Variants in DPCD observed in about 807,000 individuals in gnomAD.
DPCD encodes protein DPCD.
A neutral mutation model predicts 26.4 loss-of-function variants in DPCD; 20 were observed. That is an observed-to-expected ratio of 0.76 (90% CI 0.53 to 1.10). The LOEUF is 1.10. DPCD is among the 50% of genes least tolerant of loss of function. The pLI is 0.00. For synonymous variants in DPCD, 97 were observed against 94.2 expected, an observed-to-expected ratio of 1.03 and a Z score of -0.17; for missense variants, 202 against 253.9, an observed-to-expected ratio of 0.80 and a Z score of 1.39.
intron 2 of DPCD, among the ~76,000 whole-genome samples, chr10:101,598,234 A>G (rs904714089): frequency 1.3e-5 from 2 of 151,340 alleles, no homozygotes; most frequent in South Asian, 4.2e-4. Context: ...CCCATGACTT[A>G]CAGGGGCACC....
intron 5 of DPCD, 198 bp from the exon 6 acceptor site, chr10:101,609,169 G>C (rs1445552906): frequency 4.6e-6 from 3 of 647,380 alleles, no homozygotes; most frequent in Non-Finnish European, 8.0e-6. Context: ...GGAAGCGGTG[G>C]AAATTGCTGA....
At chr10:101,604,393 C>A (rs946207107) in intron 4 of DPCD, among the ~76,000 whole-genome samples, 1 of 152,182 alleles carries the variant, frequency 6.6e-6, no homozygotes, top group African/African-American at 2.4e-5. Flanking sequence ...GTTCCATAAC[C>A]TGCCCCAGTT....
In DPCD at chr10:101,594,685, C is replaced by G. The variant is rs924440060; in HGVS notation, c.92C>G (p.Pro31Arg). The G allele has an allele frequency of 6.2e-7, 1 of 1,614,040 alleles. No individual in the cohort carries two copies. Among genetic ancestry groups the G allele is most frequent in the African/African-American group, 1.3e-5 (1 of 74,904 alleles). ...DGRRKVHYLF[P>R]DGKEMAEEYD... ...AGAAGGAAGGTTCACTATTTATTCC[C>G]AGACGGCAAGGAAATGGCTGAAGAA... Residue 31 changes from proline (P) to arginine (R), a missense_variant, in exon 2 of 6, where the codon CCA becomes CGA. By Grantham distance (103) the Pro-to-Arg change is moderately radical. This residue lies in a region of DPCD where 37 missense variants were observed against 76.0 expected (regional missense o/e 0.49). Transcript: ENST00000370151.
chr10:101,592,253 A>G, intron 1 of DPCD, among the ~76,000 whole-genome samples: 1 of 152,184 alleles, frequency 6.6e-6, no homozygotes, highest in Non-Finnish European at 1.5e-5. Context: ...TGTGTTGGGT[A>G]CCTGTAATCC....
At chr10:101,596,907 T>C (rs2063655752) in intron 2 of DPCD, among the ~76,000 whole-genome samples, 2 of 152,182 alleles carry the variant, frequency 1.3e-5, no homozygotes. Context: ...TTCAAAGTAA[T>C]TTACAGAGGA....
At chr10:101,592,544 A>G (rs1398113120) in intron 1 of DPCD, among the ~76,000 whole-genome samples, 3 of 151,842 alleles carry the variant, frequency 2.0e-5, no homozygotes, top group African/African-American at 4.8e-5. Flanking sequence ...ACATAGTAAG[A>G]CCCCATCTCT....
At chr10:101,606,602 T>C (rs1410661077) in intron 4 of DPCD, among the ~76,000 whole-genome samples, 1 of 152,072 alleles carries the variant, frequency 6.6e-6, no homozygotes, top group Non-Finnish European at 1.5e-5. Context: ...CAGGCATGAG[T>C]CACCAGGCCC....
chr10:101,598,250 T>TA (rs139269301), intron 2 of DPCD, among the ~76,000 whole-genome samples: 12,096 of 152,220 alleles, frequency 0.079, 545 homozygotes, highest in African/African-American at 0.12. Flanking sequence ...GCACCTCACT[T>TA]ATCCAGCCCT....
chr10:101,601,782 T>A (rs2063700590), intron 4 of DPCD, among the ~76,000 whole-genome samples: 1 of 152,086 alleles, frequency 6.6e-6, no homozygotes, highest in African/African-American at 2.4e-5. Flanking sequence ...GTGACAGTCC[T>A]TTAAAGCAGT....
rs758019549 is a variant in DPCD, at chr10:101,609,351, C to G, written c.508-16C>G. ...CAGTGACTGAATTATTTTCTTATTC[C>G]TGGCTGCATCCACAGTACCAGAAGC... is the stretch of plus-strand genomic sequence containing the variant. On this transcript the variant is annotated splice_polypyrimidine_tract_variant and intron_variant, in intron 5 of 5. Transcript: ENST00000370151. 1 of 1,612,918 alleles carries G rather than the reference C, an allele frequency of 6.2e-7. No homozygotes were observed. Among genetic ancestry groups the G allele is most frequent in the South Asian group, 1.1e-5 (1 of 90,958 alleles).
chr10:101,590,993 G>T (rs539941226), intron 1 of DPCD, among the ~76,000 whole-genome samples: 97 of 152,248 alleles, frequency 6.4e-4, no homozygotes, highest in African/African-American at 2.3e-3. Context: ...TCTCTAGTTG[G>T]CCCCTTTACT....
chr10:101,594,781 G>A, intron 2 of DPCD, 43 bp downstream of exon 2: 1 of 1,582,642 alleles, frequency 6.3e-7, no homozygotes, highest in South Asian at 1.1e-5. Flanking sequence ...TAATACTTGG[G>A]GCTGACATAA....
At chr10:101,607,619 C>G (rs532361535) in intron 4 of DPCD, among the ~76,000 whole-genome samples, 6 of 152,190 alleles carry the variant, frequency 3.9e-5, no homozygotes, top group African/African-American at 1.4e-4. Context: ...CTCTCTGAGT[C>G]CCCAGGGCAT....
chr10:101,591,568 T>TG (rs1304241523), intron 1 of DPCD, among the ~76,000 whole-genome samples: 1 of 152,202 alleles, frequency 6.6e-6, no homozygotes, highest in Admixed American at 6.5e-5. Context: ...ATTGATATCT[T>TG]GGGCTGGATA....
rs140506483 is a variant in DPCD at position 101,595,878 on chromosome 10, G to A, written c.145+1140G>A. Among the ~76,000 whole-genome samples the A allele has an allele frequency of 1.1e-3, 175 of 152,272 alleles. 1 individual carries two copies. Among genetic ancestry groups the A allele is most frequent in the Middle Eastern group, 3.4e-3 (1 of 294 alleles). On this transcript the variant is annotated intron_variant, in intron 2 of 5. Coordinates refer to ENST00000370151, the MANE Select transcript of DPCD (RefSeq NM_015448.3). ...TTTATAGTGCTCCCAGGGGATGACA[G>A]CCTTGGAATGCCTAACAGGGGAGAA...
intron 2 of DPCD, among the ~76,000 whole-genome samples, chr10:101,599,936 TG>T (rs1320144203): frequency 1.3e-5 from 2 of 152,224 alleles, no homozygotes; most frequent in African/African-American, 2.4e-5. Flanking sequence ...GCATGGTTCC[TG>T]AAAATGAAAA....
At chr10:101,599,729 A>G (rs2063678501) in intron 2 of DPCD, among the ~76,000 whole-genome samples, 1 of 152,356 alleles carries the variant, frequency 6.6e-6, no homozygotes, top group Non-Finnish European at 1.5e-5. Context: ...AACAACTGTA[A>G]CTGAGTACTG....
At chr10:101,591,454 A>G (rs1350953914) in intron 1 of DPCD, among the ~76,000 whole-genome samples, 2 of 152,162 alleles carry the variant, frequency 1.3e-5, no homozygotes, top group Admixed American at 6.5e-5. Flanking sequence ...TCAGTATTGC[A>G]TATGTGGTTA....
chr10:101,589,739 C>T (rs1430125272), intron 1 of DPCD, among the ~76,000 whole-genome samples: 1 of 152,108 alleles, frequency 6.6e-6, no homozygotes, highest in Non-Finnish European at 1.5e-5. Context: ...AAAAAATTAG[C>T]CAGGTGTGGT....
Sources: gnomAD v4.1 joint callset for allele counts (sites outside exome capture counted in the v4.1 genomes callset) on GRCh38, gnomAD v4.1.1 for gene constraint, gnomAD v4.1.1 regional missense constraint, MANE v1.5 for transcripts, NCBI Gene and HGNC (gene_info 2026-07-23, HGNC 2026-07-21) for gene names.